Variants in FABP7 observed in about 807,000 individuals in gnomAD.
FABP7 encodes the protein fatty acid binding protein 7, also known as fatty acid-binding protein, brain.
FABP7 carries 13 observed loss-of-function variants against 14.2 expected under a neutral mutation model. The observed-to-expected ratio is 0.91, with a 90% CI of 0.59 to 1.45. The LOEUF is 1.45. Among genes scored for constraint, FABP7 ranks in the 40% most tolerant of loss-of-function variants. The pLI, the probability that FABP7 is intolerant of heterozygous loss-of-function variation, is 0.00. For synonymous variants in FABP7, 49 were observed against 51.4 expected (o/e 0.95, Z 0.20); for missense variants, 149 against 157.6 (o/e 0.95, Z 0.29).
At chr6:122,762,123 C>T in the FABP7 span, among the ~76,000 whole-genome samples, 4 of 152,120 alleles carry the variant, frequency 2.6e-5, no homozygotes, top group African/African-American at 9.7e-5. Context: ...CTGATGAACA[C>T]TGATGCAAAA....
chr6:122,781,278 C>T (rs1780777194), intron 3 of FABP7, 84 bp downstream of exon 3: 6 of 1,565,836 alleles, frequency 3.8e-6, no homozygotes, highest in Non-Finnish European at 4.3e-6. Context: ...CTTCCCTCCT[C>T]CTTCCATTCT....
At chr6:122,780,017 A>AT (rs1349392188) in intron 1 of FABP7, 150 bp downstream of exon 1, 2 of 831,338 alleles carry the variant, frequency 2.4e-6, no homozygotes, top group Non-Finnish European at 3.8e-6. Flanking sequence ...CACTGAATGG[A>AT]TTTTTAATGT....
chr6:122,777,884 T>C (rs899357389), upstream of FABP7, among the ~76,000 whole-genome samples: 2 of 58,576 alleles, frequency 3.4e-5, no homozygotes, highest in Non-Finnish European at 5.2e-5. Flanking sequence ...ATAATTTTTT[T>C]ATGTGCACTC....
rs751907920 is a variant in FABP7, at chr6:122,780,453, G to A, written c.236G>A (p.Arg79Lys). The A allele has an allele frequency of 6.2e-7, 1 of 1,612,064 alleles. No homozygotes were observed. Among genetic ancestry groups the A allele is most frequent in the South Asian group, 1.1e-5 (1 of 90,438 alleles). The change falls in exon 2 of 4, where the codon AGA becomes AAA. Residue 79 changes from arginine (R) to lysine (K), a missense_variant. Arg to Lys is a conservative substitution (Grantham distance 26). Coordinates refer to ENST00000368444, the MANE Select transcript of FABP7 (RefSeq NM_001446.5). ...TTTGATGAAACCACTGCAGATGATA[G>A]AAACTGTAAGGTGAGAAACTGCTTC... ...EEFDETTADDRNCKSVVSLDG... is the reference protein window; with the variant it reads ...EEFDETTADDKNCKSVVSLDG...
At chr6:122,774,865 A>G (rs189404082), upstream of FABP7, among the ~76,000 whole-genome samples, 9 of 152,264 alleles carry the variant, frequency 5.9e-5, no homozygotes, top group East Asian at 1.3e-3. Context: ...ATATGCCAAC[A>G]ATGAACAATC....
At chr6:122,779,685 A>G (rs1278364847), upstream of FABP7, 1 of 1,018,432 alleles carries the variant, frequency 9.8e-7, no homozygotes, top group Non-Finnish European at 1.5e-6. Context: ...CCCTCTTTCC[A>G]AATAAGAAGG....
chr6:122,779,626 G>A, upstream of FABP7: 1 of 629,330 alleles, frequency 1.6e-6, no homozygotes, highest in Non-Finnish European at 2.8e-6. Context: ...TTGGAAAGAG[G>A]GACACTGGAG....
At position 122,780,426 on chromosome 6, in the gene FABP7, AGTT is replaced by A; in HGVS notation, c.210_212del (p.Glu70_Phe71delinsAsp). On this transcript the variant is annotated inframe_deletion, in exon 2 of 4. Transcript: ENST00000368444. Reference sequence around the variant, plus strand: ...GAGATTAGTTTCCAGCTGGGAGAAGAGTTTGATGAAACCACTGCAGATGATAGA... The same window carrying A: ...GAGATTAGTTTCCAGCTGGGAGAAGATGATGAAACCACTGCAGATGATAGA... 8 of 1,613,876 alleles carry A rather than the reference AGTT, an allele frequency of 5.0e-6. No individual in the cohort carries two copies. Among genetic ancestry groups the A allele is most frequent in the Non-Finnish European group, 6.8e-6 (8 of 1,179,954 alleles).
chr6:122,782,849 C>T, intron 3 of FABP7: 1 of 985,288 alleles, frequency 1.0e-6, no homozygotes. Context: ...GATATTTGCT[C>T]ACATTTTTTT....
chr6:122,762,235 C>T, the FABP7 span, among the ~76,000 whole-genome samples: 1 of 152,138 alleles, frequency 6.6e-6, no homozygotes, highest in Non-Finnish European at 1.5e-5. Flanking sequence ...TCTGGTTCAA[C>T]ATACACAAAT....
chr6:122,754,063 A>G, the FABP7 span, among the ~76,000 whole-genome samples: 3 of 152,156 alleles, frequency 2.0e-5, no homozygotes, highest in South Asian at 2.1e-4. Flanking sequence ...AGTTATAGGA[A>G]GTCAGCATGA....
Position 122,780,449 on chromosome 6 carries a change from G to A in FABP7, c.232G>A (p.Asp78Asn), listed in dbSNP as rs1368500288. Residue 78 changes from aspartate to asparagine, a missense_variant, in exon 2 of 4, where the codon GAT (aspartate) becomes AAT (asparagine). By Grantham distance (23) the Asp-to-Asn change is conservative. Transcript: ENST00000368444. ...GEEFDETTAD[D>N]RNCKSVVSLD... ...AGAGTTTGATGAAACCACTGCAGATGATAGAAACTGTAAGGTGAGAAACTG... is the reference window on the plus strand; with the variant it reads ...AGAGTTTGATGAAACCACTGCAGATAATAGAAACTGTAAGGTGAGAAACTG... 6.2e-7 allele frequency: 1 copy of A among 1,612,298 alleles called. No individual in the cohort carries two copies. Among genetic ancestry groups the A allele is most frequent in the African/African-American group, 1.3e-5 (1 of 74,794 alleles).
At chr6:122,754,423 A>G in the FABP7 span, among the ~76,000 whole-genome samples, 1 of 152,186 alleles carries the variant, frequency 6.6e-6, no homozygotes, top group African/African-American at 2.4e-5. Context: ...TGCCTGAGGC[A>G]AGTCCTCCAC....
the FABP7 span, among the ~76,000 whole-genome samples, chr6:122,762,402 G>A: frequency 4.6e-5 from 7 of 152,202 alleles, no homozygotes; most frequent in African/African-American, 1.7e-4. Context: ...AAAATAATAA[G>A]AGCTATTTAT....
intron 3 of FABP7, chr6:122,782,852 A>G: frequency 1.0e-6 from 1 of 985,288 alleles, no homozygotes; most frequent in Middle Eastern, 5.2e-4. Context: ...ATTTGCTCAC[A>G]TTTTTTTGGC....
the FABP7 span, among the ~76,000 whole-genome samples, chr6:122,765,571 A>G: frequency 6.6e-6 from 1 of 151,900 alleles, no homozygotes; most frequent in Non-Finnish European, 1.5e-5. Flanking sequence ...TTTTATTTTC[A>G]CTATTCAAAA....
chr6:122,758,131 C>T, the FABP7 span, among the ~76,000 whole-genome samples: 1 of 83,474 alleles, frequency 1.2e-5, no homozygotes, highest in African/African-American at 3.8e-5. Context: ...TTTTAATTAA[C>T]AGAGTCTTGC....
the FABP7 span, among the ~76,000 whole-genome samples, chr6:122,757,224 C>A: frequency 1.3e-4 from 20 of 152,132 alleles, no homozygotes; most frequent in African/African-American, 4.3e-4. Flanking sequence ...TACTGATTTA[C>A]CCCTTCCAAT....
At position 122,780,541 on chromosome 6, in the gene FABP7, T is replaced by A. The variant is rs970420565; in HGVS notation, c.246+78T>A. ...AAAGATTTCCAATGCATGTTTTTTT[T>A]AAGATGTTGGAAAGTGTAGAATATT... On this transcript the variant is annotated intron_variant, in intron 2 of 3. Transcript: ENST00000368444. 11 of 1,422,198 alleles carry A rather than the reference T, an allele frequency of 7.7e-6. No homozygotes were observed. In the African/African-American group the frequency reaches 1.3e-4, roughly 17 times the overall value. 88.1% of individuals were successfully genotyped at this position (1,422,198 alleles called of 1,614,324 possible).
Sources: allele counts gnomAD v4.1 joint callset (sites outside exome capture counted in the v4.1 genomes callset), GRCh38; gene constraint gnomAD v4.1.1; transcripts MANE v1.5; gene names NCBI Gene and HGNC (gene_info 2026-07-23, HGNC 2026-07-21).